Variants in SLCO6A1 observed in about 807,000 individuals in gnomAD.
SLCO6A1 encodes cancer/testis antigen 48.
A neutral mutation model predicts 72.7 loss-of-function variants in SLCO6A1; 65 were observed. The ratio of observed to expected loss-of-function variants is 0.89; its 90% CI spans 0.73 to 1.10. The LOEUF is 1.10. SLCO6A1 is among the 50% of genes least tolerant of loss of function. The probability of loss-of-function intolerance (pLI) is 0.00; values close to 1 mark genes in which losing one functional copy is unlikely to be tolerated. For missense variants in SLCO6A1, 874 were observed against 872.6 expected, an observed-to-expected ratio of 1.00 and a Z score of -0.02; for synonymous variants, 314 against 298.2, an observed-to-expected ratio of 1.05 and a Z score of -0.55.
At chr5:102,442,971 G>C (rs1351610840) in intron 6 of SLCO6A1, among the ~76,000 whole-genome samples, 1 of 152,188 alleles carries the variant, frequency 6.6e-6, no homozygotes, top group South Asian at 2.1e-4. Flanking sequence ...GTCAAGGCGG[G>C]TGGATCACAA....
chr5:102,457,818 C>T (rs1045813163), intron 6 of SLCO6A1, among the ~76,000 whole-genome samples: 1 of 152,084 alleles, frequency 6.6e-6, no homozygotes, highest in Non-Finnish European at 1.5e-5. Flanking sequence ...TTTACTGTGG[C>T]ACTATTCACA....
intron 1 of SLCO6A1, among the ~76,000 whole-genome samples, chr5:102,495,645 T>C (rs926402321): frequency 2.6e-5 from 4 of 152,006 alleles, no homozygotes; most frequent in Non-Finnish European, 5.9e-5. Flanking sequence ...AAAAATAAAA[T>C]TGATTGCACT....
At position 102,373,362 on chromosome 5, in the gene SLCO6A1, G is replaced by A. The variant is rs764119102; in HGVS notation, c.2150C>T (p.Thr717Ile). The A allele has an allele frequency of 6.4e-7, 1 of 1,562,260 alleles. No homozygotes were observed. The highest frequency in any genetic ancestry group is 1.4e-5 in the African/African-American group (1 of 72,804). ...KNPKVKKKEETDL is the reference protein window; with the variant it reads ...KNPKVKKKEEIDL ...ACAATGATGATCCAGTTACAAGTCA[G>A]TTTCTTCTTTTTTCTTAACTTTTGG... Residue 717 changes from threonine to isoleucine, a missense_variant, in exon 13 of 14, where the codon ACT (threonine) becomes ATT (isoleucine). By Grantham distance (89) the Thr-to-Ile change is moderately conservative. Coordinates refer to ENST00000506729, the MANE Select transcript of SLCO6A1 (RefSeq NM_173488.5).
intron 7 of SLCO6A1, among the ~76,000 whole-genome samples, chr5:102,424,799 C>T (rs1235195992): frequency 6.6e-6 from 1 of 152,104 alleles, no homozygotes; most frequent in Non-Finnish European, 1.5e-5. Flanking sequence ...GATACCAAAA[C>T]CTGGCATAGA....
At chr5:102,493,420 G>A (rs1233661863) in intron 1 of SLCO6A1, among the ~76,000 whole-genome samples, 1 of 151,944 alleles carries the variant, frequency 6.6e-6, no homozygotes, top group East Asian at 1.9e-4. Flanking sequence ...ATAGAGGCAG[G>A]AAAAAGCACA....
chr5:102,456,442 A>G (rs1185692612), intron 6 of SLCO6A1, among the ~76,000 whole-genome samples: 2 of 152,188 alleles, frequency 1.3e-5, no homozygotes, highest in African/African-American at 2.4e-5. Context: ...AAAAATCACA[A>G]GCATTCTTAT....
intron 7 of SLCO6A1, among the ~76,000 whole-genome samples, chr5:102,438,037 C>T (rs1017332845): frequency 1.3e-5 from 2 of 152,026 alleles, no homozygotes; most frequent in African/African-American, 4.8e-5. Flanking sequence ...TCAACTTTTA[C>T]AAATGTACAG....
At chr5:102,427,221 T>C (rs1490724940) in intron 7 of SLCO6A1, among the ~76,000 whole-genome samples, 1 of 151,996 alleles carries the variant, frequency 6.6e-6, no homozygotes, top group Non-Finnish European at 1.5e-5. Flanking sequence ...GAGACAATTA[T>C]AAGCAAATTG....
intron 10 of SLCO6A1, among the ~76,000 whole-genome samples, chr5:102,392,418 T>A (rs138325391): frequency 6.6e-6 from 1 of 152,180 alleles, no homozygotes; most frequent in African/African-American, 2.4e-5. Flanking sequence ...TAATTCAGTG[T>A]TCTCCTTTAT....
At chr5:102,465,788 G>T (rs1751280505) in intron 4 of SLCO6A1, among the ~76,000 whole-genome samples, 1 of 152,028 alleles carries the variant, frequency 6.6e-6, no homozygotes, top group Non-Finnish European at 1.5e-5. Context: ...CTGGTGAGGT[G>T]ACCCAAACTA....
At chr5:102,480,651 A>G (rs192178293) in intron 1 of SLCO6A1, among the ~76,000 whole-genome samples, 143 of 152,286 alleles carry the variant, frequency 9.4e-4, no homozygotes, top group African/African-American at 3.3e-3. Flanking sequence ...GCTATTTTTA[A>G]CTACCTCTCT....
In SLCO6A1 at chr5:102,371,962, C is replaced by T. The variant is rs1049370594; in HGVS notation, c.*177G>A. The T allele has an allele frequency of 6.6e-6, 1 of 151,940 alleles. No individual in the cohort carries two copies. Among genetic ancestry groups the T allele is most frequent in the African/African-American group, 2.4e-5 (1 of 41,416 alleles). The allele number at this position is 151,940 out of a possible 1,614,324, so 9.4% of individuals were successfully genotyped here. A position where few individuals can be genotyped will look rare whatever the true frequency, so the allele number is the denominator to read the frequency against. ...ATCAGAAATGTTTCACAATAGGACA[C>T]TTTATTATGAAAATGCAGATCACCA... On this transcript the variant is annotated 3_prime_UTR_variant, in exon 14 of 14. Coordinates refer to ENST00000506729, the MANE Select transcript of SLCO6A1 (RefSeq NM_173488.5).
chr5:102,427,982 C>T (rs1749007998), intron 7 of SLCO6A1, among the ~76,000 whole-genome samples: 1 of 148,594 alleles, frequency 6.7e-6, no homozygotes, highest in African/African-American at 2.5e-5. Flanking sequence ...CATTCTCCTG[C>T]CTTAGCCTCC....
intron 1 of SLCO6A1, among the ~76,000 whole-genome samples, chr5:102,495,945 C>T (rs1365172237): frequency 2.0e-5 from 3 of 152,182 alleles, no homozygotes; most frequent in Non-Finnish European, 2.9e-5. Flanking sequence ...TTAAAGAAGA[C>T]TTGTAAAATA....
At chr5:102,384,753 T>C (rs1746312505) in intron 12 of SLCO6A1, among the ~76,000 whole-genome samples, 1 of 152,128 alleles carries the variant, frequency 6.6e-6, no homozygotes, top group Non-Finnish European at 1.5e-5. Flanking sequence ...ATTATAGTAA[T>C]AGAGTATTCC....
At chr5:102,412,589 C>A (rs1053248625) in intron 9 of SLCO6A1, among the ~76,000 whole-genome samples, 2 of 151,862 alleles carry the variant, frequency 1.3e-5, no homozygotes, top group Non-Finnish European at 2.9e-5. Flanking sequence ...GGCAAAAACC[C>A]ATCTCTAAAA....
At chr5:102,446,403 T>G (rs1033941861) in intron 6 of SLCO6A1, among the ~76,000 whole-genome samples, 1 of 152,176 alleles carries the variant, frequency 6.6e-6, no homozygotes, top group African/African-American at 2.4e-5. Flanking sequence ...TGCTACTGAT[T>G]TCTGTACATT....
Position 102,391,010 on chromosome 5 carries a change from C to T in SLCO6A1, c.1850G>A (p.Gly617Asp). 1.2e-6 allele frequency: 2 copies of T among 1,613,618 alleles called. No homozygotes were observed. The highest frequency in any genetic ancestry group is 1.1e-5 in the South Asian group (1 of 91,070). ...TATTCTCAAAATCACATAGCTTACA[C>T]CCAAGGCCAGAGAACGCAGTTTGTC... ...VPDKLRSLAL[G>D]VSYVILRIFG... is the part of the protein sequence containing the mutation. The change falls in exon 11 of 14, where the codon GGT becomes GAT. Residue 617 changes from glycine to aspartate, a missense_variant. Gly to Asp is a moderately conservative substitution (Grantham distance 94). Coordinates refer to ENST00000506729, the MANE Select transcript of SLCO6A1 (RefSeq NM_173488.5).
chr5:102,401,708 C>T (rs913941158), intron 9 of SLCO6A1, among the ~76,000 whole-genome samples: 2 of 151,982 alleles, frequency 1.3e-5, no homozygotes, highest in Admixed American at 1.3e-4. Flanking sequence ...GACTTTTAGT[C>T]AAGGGAGGCA....
Sources: gnomAD v4.1 joint callset for allele counts (sites outside exome capture counted in the v4.1 genomes callset) on GRCh38, gnomAD v4.1.1 for gene constraint, MANE v1.5 for transcripts, NCBI Gene and HGNC (gene_info 2026-07-23, HGNC 2026-07-21) for gene names.